The following RABGAP1L variants were observed in gnomAD, a reference collection of about 807,000 sequenced individuals.
RABGAP1L encodes RAB GTPase activating protein 1 like, also known as rab GTPase-activating protein 1-like.
RABGAP1L carries 63 observed loss-of-function variants against 137.7 expected under a neutral mutation model. The ratio of observed to expected loss-of-function variants is 0.46; its 90% confidence interval spans 0.37 to 0.56. The LOEUF (loss-of-function observed/expected upper bound fraction) is 0.56, where lower values mean the gene tolerates loss of function less well. RABGAP1L is among the 20% of genes least tolerant of loss of function. The probability of loss-of-function intolerance (pLI) is 0.00; values close to 1 mark genes in which losing one functional copy is unlikely to be tolerated. For missense variants in RABGAP1L, 1,095 were observed against 1,244.0 expected (o/e 0.88, Z 1.80); for synonymous variants, 431 against 433.7 (o/e 0.99, Z 0.08).
chr1:174,308,331 G>A (rs901385048), intron 11 of RABGAP1L, among the ~76,000 whole-genome samples: 1 of 151,874 alleles, frequency 6.6e-6, no homozygotes, highest in Non-Finnish European at 1.5e-5. Context: ...TCTGTAGGTT[G>A]CCCTTTCATA....
chr1:174,912,014 A>G (rs1356882610), intron 19 of RABGAP1L, among the ~76,000 whole-genome samples: 1 of 152,222 alleles, frequency 6.6e-6, no homozygotes, highest in Non-Finnish European at 1.5e-5. Context: ...AGAATTGGAT[A>G]CTTGTTTCAT....
At chr1:174,272,290 A>C (rs1235084473) in intron 7 of RABGAP1L, 124 bp from the exon 8 acceptor site, 1 of 984,954 alleles carries the variant, frequency 1.0e-6, no homozygotes, top group Non-Finnish European at 1.4e-6. Flanking sequence ...TTTTTAGAAA[A>C]AAAACTAAAG....
intron 13 of RABGAP1L, among the ~76,000 whole-genome samples, chr1:174,520,446 T>TA (rs1435377782): frequency 1.8e-4 from 28 of 152,344 alleles, no homozygotes; most frequent in African/African-American, 6.3e-4. Flanking sequence ...AGGCTTATGA[T>TA]AAAAACTATT....
At position 174,881,198 on chromosome 1, in the gene RABGAP1L, A is replaced by G. The variant is rs145429516; in HGVS notation, c.2340+69238A>G. The stretch of plus-strand genomic sequence containing the variant: ...TAGATTGTGTGTATATTATGGCTCA[A>G]TGCAACCCTAGCTGCACCAAAGGGA... On this transcript the variant is annotated intron_variant, in intron 19 of 25. Coordinates refer to ENST00000681986, the MANE Select transcript of RABGAP1L (RefSeq NM_001366446.1). Among the ~76,000 whole-genome samples the G allele has an allele frequency of 4.3e-4, 66 of 152,298 alleles. 1 individual carries two copies. In the East Asian group the frequency reaches 0.012, roughly 27 times the overall value.
At chr1:174,260,900 T>A (rs909447184) in intron 7 of RABGAP1L, among the ~76,000 whole-genome samples, 1 of 149,684 alleles carries the variant, frequency 6.7e-6, no homozygotes. Flanking sequence ...TCTGTCTAGT[T>A]GATTTTTTTT....
At chr1:174,322,273 C>T (rs1680065827) in intron 11 of RABGAP1L, among the ~76,000 whole-genome samples, 1 of 150,976 alleles carries the variant, frequency 6.6e-6, no homozygotes, top group East Asian at 2.1e-4. Flanking sequence ...GGTTAAAGTT[C>T]CTGTTTTTTG....
At chr1:174,628,353 A>AT (rs1673074693) in intron 13 of RABGAP1L, among the ~76,000 whole-genome samples, 1 of 152,324 alleles carries the variant, frequency 6.6e-6, no homozygotes, top group East Asian at 1.9e-4. Context: ...AGGTATACAG[A>AT]TACAGAAGGA....
chr1:174,808,739 C>T (rs1351250541), intron 18 of RABGAP1L, among the ~76,000 whole-genome samples: 4 of 151,674 alleles, frequency 2.6e-5, no homozygotes, highest in African/African-American at 9.7e-5. Flanking sequence ...CTGCAACCTC[C>T]ACCTCCTGGA....
intron 11 of RABGAP1L, among the ~76,000 whole-genome samples, chr1:174,356,852 C>G (rs1330929425): frequency 3.9e-5 from 6 of 152,110 alleles, no homozygotes; most frequent in African/African-American, 1.4e-4. Context: ...AGAATGACAG[C>G]TAACACTTGG....
At chr1:174,958,174 G>T (rs1363372197) in intron 20 of RABGAP1L, 2 of 1,426,760 alleles carry the variant, frequency 1.4e-6, no homozygotes, top group South Asian at 1.2e-5. Flanking sequence ...AATCACAAAG[G>T]TATATTGAGC....
chr1:174,369,841 T>C (rs1179490796), intron 11 of RABGAP1L, among the ~76,000 whole-genome samples: 1 of 152,208 alleles, frequency 6.6e-6, no homozygotes, highest in African/African-American at 2.4e-5. Context: ...TAAATGTCCC[T>C]TATAATTCTT....
At chr1:174,764,574 ACCCT>A (rs1685510432) in intron 18 of RABGAP1L, among the ~76,000 whole-genome samples, 1 of 152,008 alleles carries the variant, frequency 6.6e-6, no homozygotes, top group Non-Finnish European at 1.5e-5. Context: ...TAGCCAAACA[ACCCT>A]CCTTAGCCAA....
intron 13 of RABGAP1L, among the ~76,000 whole-genome samples, chr1:174,570,547 G>A (rs1162400629): frequency 6.6e-6 from 1 of 152,082 alleles, no homozygotes; most frequent in Non-Finnish European, 1.5e-5. Context: ...AGTAAAGATT[G>A]AAAATGAACT....
intron 10 of RABGAP1L, among the ~76,000 whole-genome samples, chr1:174,292,415 T>A (rs1676722068): frequency 6.8e-6 from 1 of 147,790 alleles, no homozygotes; most frequent in Non-Finnish European, 1.5e-5. Flanking sequence ...CTCTAACCAC[T>A]GCTTTAGCTG....
At chr1:174,418,053 G>C (rs1650811080) in intron 13 of RABGAP1L, among the ~76,000 whole-genome samples, 1 of 152,114 alleles carries the variant, frequency 6.6e-6, no homozygotes, top group South Asian at 2.1e-4. Context: ...CAACTTATTG[G>C]CTCTCCAGAG....
intron 20 of RABGAP1L, 59 bp downstream of exon 20, chr1:174,957,608 A>C: frequency 7.0e-7 from 1 of 1,426,104 alleles, no homozygotes; most frequent in Admixed American, 1.8e-5. Flanking sequence ...AATGAGACTG[A>C]GTCTTGCCGT....
At chr1:174,898,801 A>G (rs1328632160) in intron 19 of RABGAP1L, among the ~76,000 whole-genome samples, 1 of 152,208 alleles carries the variant, frequency 6.6e-6, no homozygotes, top group Admixed American at 6.5e-5. Context: ...TTAAAATGGA[A>G]TATTTATTAT....
chr1:174,850,280 C>T (rs775708641), intron 19 of RABGAP1L: 9 of 240,380 alleles, frequency 3.7e-5, no homozygotes, highest in Non-Finnish European at 7.4e-5. Context: ...GGTGATTTAA[C>T]AGGAGAATTC....
intron 13 of RABGAP1L, among the ~76,000 whole-genome samples, chr1:174,532,933 G>A (rs902027139): frequency 1.3e-5 from 2 of 152,106 alleles, no homozygotes; most frequent in African/African-American, 4.8e-5. Flanking sequence ...CCACAACTAA[G>A]CTTGAGAAAT....
Sources: gnomAD v4.1 joint callset for allele counts (sites outside exome capture counted in the v4.1 genomes callset) on GRCh38, gnomAD v4.1.1 for gene constraint, MANE v1.5 for transcripts, NCBI Gene and HGNC (gene_info 2026-07-23, HGNC 2026-07-21) for gene names.